CTNNA2: variants seen among roughly 807,000 people sequenced by gnomAD.
The protein encoded by CTNNA2 is catenin alpha 2.
In CTNNA2, 42 loss-of-function variants were observed where a neutral mutation model predicts 101.0. The ratio of observed to expected loss-of-function variants is 0.42; its 90% confidence interval spans 0.32 to 0.54. CTNNA2 has a LOEUF of 0.54. Ranked by LOEUF, CTNNA2 falls within the 20% of genes least tolerant of loss-of-function variation. The probability of loss-of-function intolerance (pLI) is 0.14; values close to 1 mark genes in which losing one functional copy is unlikely to be tolerated. For missense variants in CTNNA2, 871 were observed against 1,223.1 expected, an observed-to-expected ratio of 0.71 and a Z score of 4.29; for synonymous variants, 450 against 456.4, an observed-to-expected ratio of 0.99 and a Z score of 0.18.
In CTNNA2 at chr2:80,489,284, G is replaced by C. The variant is rs554100571; in HGVS notation, c.1291-55698G>C. Among the ~76,000 whole-genome samples the C allele has an allele frequency of 1.1e-3, 165 of 152,070 alleles. 1 individual carries two copies. The highest frequency in any genetic ancestry group is 1.8e-3 in the Non-Finnish European group (124 of 68,012). On this transcript the variant is annotated intron_variant, in intron 9 of 18. Coordinates refer to ENST00000402739, the MANE Select transcript of CTNNA2 (RefSeq NM_001282597.3). The stretch of plus-strand genomic sequence containing the variant: ...AAGGAAAAGGGATATAATCCAGGGG[G>C]TTTATAAGCAGCATTTGATGAAAGT...
intron 2 of CTNNA2, among the ~76,000 whole-genome samples, chr2:79,662,890 T>TC (rs1682136288): frequency 1.3e-5 from 2 of 152,164 alleles, no homozygotes; most frequent in Non-Finnish European, 2.9e-5. Context: ...ATTTATTTCC[T>TC]CCCCCATTAG....
At chr2:79,574,565 T>C (rs1675668963) in intron 1 of CTNNA2, among the ~76,000 whole-genome samples, 1 of 152,208 alleles carries the variant, frequency 6.6e-6, no homozygotes, top group Admixed American at 6.5e-5. Context: ...TTTTTATGGC[T>C]GTGTAGTATT....
intron 3 of CTNNA2, among the ~76,000 whole-genome samples, chr2:79,848,675 A>G (rs1430762052): frequency 2.6e-5 from 4 of 152,172 alleles, no homozygotes; most frequent in Non-Finnish European, 5.9e-5. Flanking sequence ...ACACTTAATC[A>G]TTAGTTACTG....
At chr2:80,244,422 A>G (rs1671171998) in intron 7 of CTNNA2, among the ~76,000 whole-genome samples, 1 of 152,356 alleles carries the variant, frequency 6.6e-6, no homozygotes, top group African/African-American at 2.4e-5. Context: ...ACAAGTGCCC[A>G]TAGGCTCACT....
intron 1 of CTNNA2, among the ~76,000 whole-genome samples, chr2:79,570,429 G>T (rs968450288): frequency 3.9e-5 from 6 of 152,186 alleles, no homozygotes; most frequent in African/African-American, 1.4e-4. Context: ...ATGTGGAAAA[G>T]AATTTCTTCC....
chr2:79,997,454 C>G lies in CTNNA2; in HGVS notation c.1056+87657C>G, dbSNP rs182301852. On this transcript the variant is annotated intron_variant, in intron 7 of 18. Coordinates refer to ENST00000402739, the MANE Select transcript of CTNNA2 (RefSeq NM_001282597.3). The stretch of plus-strand genomic sequence containing the variant: ...AAGAGAAAGAAAAGTGAAGCCAGAC[C>G]AAACCAAACAAACCCTGCAGGATTT... 7.7e-3 allele frequency among the ~76,000 whole-genome samples: 1,170 copies of G among 151,902 alleles called. 8 individuals are homozygous for G. The highest frequency in any genetic ancestry group is 0.01 in the Non-Finnish European group (703 of 67,898).
chr2:79,631,012 G>C (rs944336668), intron 1 of CTNNA2, among the ~76,000 whole-genome samples: 1 of 151,702 alleles, frequency 6.6e-6, no homozygotes, highest in African/African-American at 2.4e-5. Flanking sequence ...CTATCTTCCT[G>C]AGTTCTTTTC....
At chr2:80,559,131 A>T (rs1693323864) in intron 12 of CTNNA2, among the ~76,000 whole-genome samples, 1 of 152,314 alleles carries the variant, frequency 6.6e-6, no homozygotes. Context: ...TGGGCAAAAT[A>T]ATGTGCACTG....
At chr2:79,914,941 G>A (rs889407689) in intron 7 of CTNNA2, among the ~76,000 whole-genome samples, 2 of 151,834 alleles carry the variant, frequency 1.3e-5, no homozygotes, top group Non-Finnish European at 2.9e-5. Flanking sequence ...CTTTGTTAGA[G>A]AGTAGAATTT....
intron 7 of CTNNA2, among the ~76,000 whole-genome samples, chr2:80,139,531 C>A (rs1302384044): frequency 6.6e-6 from 1 of 152,084 alleles, no homozygotes; most frequent in Non-Finnish European, 1.5e-5. Context: ...ACAGTTTTCA[C>A]CCCCTCTTAT....
At chr2:79,388,838 C>T (rs1262705255) in intron 4 of CTNNA2, among the ~76,000 whole-genome samples, 1 of 151,698 alleles carries the variant, frequency 6.6e-6, no homozygotes, top group Non-Finnish European at 1.5e-5. Context: ...TTAACATAAA[C>T]ACTTTAACAG....
At chr2:79,585,353 T>G (rs1676415029) in intron 1 of CTNNA2, among the ~76,000 whole-genome samples, 2 of 152,206 alleles carry the variant, frequency 1.3e-5, no homozygotes, top group South Asian at 2.1e-4. Flanking sequence ...TTGCCTTGTT[T>G]AACTGTATTG....
chr2:79,529,188 A>G (rs1672594033), intron 1 of CTNNA2, among the ~76,000 whole-genome samples: 1 of 152,166 alleles, frequency 6.6e-6, no homozygotes, highest in South Asian at 2.1e-4. Flanking sequence ...CAGAGTGCAT[A>G]GAGGAGGGAT....
At position 80,093,364 on chromosome 2, in the gene CTNNA2, A is replaced by G. The variant is rs557320207; in HGVS notation, c.1056+183567A>G. Among the ~76,000 whole-genome samples the G allele has an allele frequency of 2.8e-3, 420 of 152,278 alleles. 1 individual carries two copies. The highest frequency in any genetic ancestry group is 9.7e-3 in the African/African-American group (403 of 41,566). Reference sequence around the variant, plus strand: ...ATTTTTTATGGCTGCATAGTATTCCATGGTGTACATGTGCCACATTTTGTT... The same window carrying G: ...ATTTTTTATGGCTGCATAGTATTCCGTGGTGTACATGTGCCACATTTTGTT... On this transcript the variant is annotated intron_variant, in intron 7 of 18. Coordinates refer to ENST00000402739, the MANE Select transcript of CTNNA2 (RefSeq NM_001282597.3).
chr2:79,670,499 G>C (rs58775151), intron 2 of CTNNA2, among the ~76,000 whole-genome samples: 37,876 of 152,046 alleles, frequency 0.25, 5,377 homozygotes, highest in East Asian at 0.5. Context: ...GGGCGCTTCC[G>C]TGCTGCAGCC....
chr2:80,208,622 G>T (rs1707683063), intron 7 of CTNNA2, among the ~76,000 whole-genome samples: 1 of 152,094 alleles, frequency 6.6e-6, no homozygotes, highest in South Asian at 2.1e-4. Context: ...TCAGTCTCGG[G>T]GCACAGAGCA....
chr2:79,368,896 T>TTTG (rs1319758995), intron 3 of CTNNA2, among the ~76,000 whole-genome samples: 3 of 152,144 alleles, frequency 2.0e-5, no homozygotes, highest in Non-Finnish European at 4.4e-5. Flanking sequence ...AAAACTAGGT[T>TTTG]TTGTTGTTGT....
intron 4 of CTNNA2, among the ~76,000 whole-genome samples, chr2:79,422,596 T>A (rs1678551104): frequency 6.6e-6 from 1 of 152,072 alleles, no homozygotes; most frequent in African/African-American, 2.4e-5. Context: ...GAGTAAAGGC[T>A]CAAATAAAAA....
chr2:79,358,172 C>T (rs1041137297), intron 3 of CTNNA2, among the ~76,000 whole-genome samples: 1 of 151,084 alleles, frequency 6.6e-6, no homozygotes, highest in Non-Finnish European at 1.5e-5. Context: ...AGACTCCAGC[C>T]TTGAATGGAA....
Sources: allele counts gnomAD v4.1 joint callset (sites outside exome capture counted in the v4.1 genomes callset), GRCh38; gene constraint gnomAD v4.1.1; transcripts MANE v1.5; gene names NCBI Gene and HGNC (gene_info 2026-07-23, HGNC 2026-07-21).